Variants in KLRG2 observed in about 807,000 individuals in gnomAD.
KLRG2 encodes the protein killer cell lectin-like receptor subfamily G member 2.
KLRG2 carries 39 observed loss-of-function variants against 35.4 expected under a neutral mutation model. The ratio of observed to expected loss-of-function variants is 1.10; its 90% CI spans 0.85 to 1.44. KLRG2 has a LOEUF of 1.44. KLRG2 is among the 40% of genes most tolerant of loss of function. The probability of loss-of-function intolerance (pLI) is 0.00; values close to 1 mark genes in which losing one functional copy is unlikely to be tolerated. For missense variants in KLRG2, 632 were observed against 570.9 expected, an observed-to-expected ratio of 1.11 and a Z score of -1.09; for synonymous variants, 283 against 265.8, an observed-to-expected ratio of 1.06 and a Z score of -0.63.
intron 3 of KLRG2, among the ~76,000 whole-genome samples, chr7:139,469,750 G>GT (rs1796725833): frequency 6.6e-6 from 1 of 152,074 alleles, no homozygotes. Context: ...GGCTAATACA[G>GT]TAAGATTTGA....
At chr7:139,461,094 A>T (rs1796560348) in intron 3 of KLRG2, among the ~76,000 whole-genome samples, 1 of 152,158 alleles carries the variant, frequency 6.6e-6, no homozygotes, top group Admixed American at 6.5e-5. Flanking sequence ...ACTAAAAAAC[A>T]CAAAAATTAT....
chr7:139,479,796 GAGCTGCAGGGTA>G, intron 2 of KLRG2, 24 bp from the exon 3 acceptor site: 1 of 1,609,200 alleles, frequency 6.2e-7, no homozygotes, highest in Non-Finnish European at 8.5e-7. Context: ...GACTGCTGGT[GAGCTGCAGGGTA>G]AGCTGCATTA....
the KLRG2 span, among the ~76,000 whole-genome samples, chr7:139,429,052 T>TA: frequency 1.3e-5 from 2 of 152,160 alleles, no homozygotes; most frequent in Non-Finnish European, 2.9e-5. Context: ...CGTGGTGGCT[T>TA]ACGCCTGTAA....
At position 139,483,284 on chromosome 7, in the gene KLRG2, G is replaced by T. The variant is rs758520569; in HGVS notation, c.359C>A (p.Ala120Glu). Reference protein sequence around the residue: ...PGAEPAPSAWAPMELQVDVRV... With the variant: ...PGAEPAPSAWEPMELQVDVRV... ...CACATCTACCTGCAGCTCCATGGGC[G>T]CCCAGGCGCTGGGCGCAGGCTCAGC... is the stretch of plus-strand genomic sequence containing the variant. Residue 120 changes from alanine (A) to glutamate (E), a missense_variant, in exon 1 of 5, where the codon GCG becomes GAG. Ala to Glu is a moderately radical substitution (Grantham distance 107). Coordinates refer to ENST00000340940, the MANE Select transcript of KLRG2 (RefSeq NM_198508.4). The T allele has an allele frequency of 3.2e-6, 5 of 1,558,448 alleles. No homozygotes were observed. The highest frequency in any genetic ancestry group is 1.2e-5 in the South Asian group (1 of 86,118).
chr7:139,438,677 A>ATTTTTT, the KLRG2 span, among the ~76,000 whole-genome samples: 3,282 of 142,754 alleles, frequency 0.023, 68 homozygotes, highest in African/African-American at 0.048. Context: ...CATTTTGGCA[A>ATTTTTT]TTTTTTTTTT....
intron 3 of KLRG2, among the ~76,000 whole-genome samples, chr7:139,469,157 T>C (rs1033220948): frequency 1.9e-4 from 29 of 152,112 alleles, no homozygotes; most frequent in African/African-American, 6.3e-4. Context: ...TACCATAAGA[T>C]TTGTTTATTT....
intron 3 of KLRG2, among the ~76,000 whole-genome samples, chr7:139,457,417 A>G (rs953917951): frequency 6.6e-6 from 1 of 152,182 alleles, no homozygotes; most frequent in Admixed American, 6.5e-5. Context: ...TTCTGGCTCC[A>G]TGACTTGTGA....
In KLRG2 at chr7:139,470,942, A is replaced by C. The variant is rs540996685; in HGVS notation, c.1005+8685T>G. Among the ~76,000 whole-genome samples, 109 of 152,132 alleles carry C rather than the reference A, an allele frequency of 7.2e-4. 3 individuals are homozygous for C. The highest frequency in any genetic ancestry group is 7.1e-3 in the Admixed American group (109 of 15,288). On this transcript the variant is annotated intron_variant, in intron 3 of 4. Coordinates refer to ENST00000340940, the MANE Select transcript of KLRG2 (RefSeq NM_198508.4). ...ACTGGAACCCCTGTCTCCCAGGTTA[A>C]AGCGATTCTCCTGCCTCAGTCTCCT...
At chr7:139,437,318 G>T in the KLRG2 span, among the ~76,000 whole-genome samples, 2 of 151,634 alleles carry the variant, frequency 1.3e-5, no homozygotes, top group East Asian at 3.9e-4. Context: ...CCAGCTACTC[G>T]GGAGGCTGAG....
downstream of KLRG2, among the ~76,000 whole-genome samples, chr7:139,450,940 G>A (rs530766340): frequency 5.0e-4 from 76 of 152,244 alleles, no homozygotes; most frequent in African/African-American, 1.7e-3. Context: ...CTTTATTTGG[G>A]AATGCTCCTT....
the KLRG2 span, among the ~76,000 whole-genome samples, chr7:139,446,336 GT>G: frequency 0.064 from 5,861 of 91,932 alleles, 416 homozygotes; most frequent in African/African-American, 0.2. Context: ...ATTTTCCAGG[GT>G]TTTTTTTTTT....
intron 3 of KLRG2, among the ~76,000 whole-genome samples, chr7:139,464,933 T>C (rs145937561): frequency 0.032 from 4,849 of 152,376 alleles, 130 homozygotes; most frequent in Non-Finnish European, 0.051. Context: ...ACTCGCTCTT[T>C]GTTGAGTCTC....
the KLRG2 span, among the ~76,000 whole-genome samples, chr7:139,428,485 C>T: frequency 6.6e-6 from 1 of 152,210 alleles, no homozygotes; most frequent in African/African-American, 2.4e-5. Flanking sequence ...TCTCAAACCC[C>T]TGAGCTCAAG....
At chr7:139,460,288 A>G (rs1796546546) in intron 3 of KLRG2, among the ~76,000 whole-genome samples, 1 of 152,234 alleles carries the variant, frequency 6.6e-6, no homozygotes, top group Non-Finnish European at 1.5e-5. Flanking sequence ...GGTGGCTCCA[A>G]TGTCATCGTC....
At chr7:139,451,334 T>A (rs1184334216), downstream of KLRG2, among the ~76,000 whole-genome samples, 1 of 152,074 alleles carries the variant, frequency 6.6e-6, no homozygotes, top group African/African-American at 2.4e-5. Context: ...ACCCCATCTC[T>A]ACTAAAAATG....
chr7:139,475,196 C>T lies in KLRG2; in HGVS notation c.1005+4431G>A, dbSNP rs182153027. Among the ~76,000 whole-genome samples, 835 of 152,242 alleles carry T rather than the reference C, an allele frequency of 5.5e-3. 2 individuals are homozygous for T. Among genetic ancestry groups the T allele is most frequent in the Non-Finnish European group, 8.0e-3 (541 of 68,018 alleles). On this transcript the variant is annotated intron_variant, in intron 3 of 4. Transcript: ENST00000340940. ...CAACAGGACAGGGTTTGGGGGCTTC[C>T]GGATAGGCTGAACACATAGAGGCTA...
downstream of KLRG2, among the ~76,000 whole-genome samples, chr7:139,448,251 C>T (rs1796332034): frequency 6.6e-6 from 1 of 152,110 alleles, no homozygotes. Flanking sequence ...CTACCTCTGC[C>T]TCCTAAAGTC....
chr7:139,462,268 C>T (rs1034839705), intron 3 of KLRG2, among the ~76,000 whole-genome samples: 1 of 152,172 alleles, frequency 6.6e-6, no homozygotes, highest in Non-Finnish European at 1.5e-5. Flanking sequence ...CACAGGGACG[C>T]CTGCCTTGGT....
the KLRG2 span, among the ~76,000 whole-genome samples, chr7:139,434,575 A>C: frequency 6.6e-6 from 1 of 152,210 alleles, no homozygotes; most frequent in Non-Finnish European, 1.5e-5. Flanking sequence ...TCCAAATCAA[A>C]AGACTTGCAG....
Sources: allele counts gnomAD v4.1 joint callset (sites outside exome capture counted in the v4.1 genomes callset), GRCh38; gene constraint gnomAD v4.1.1; transcripts MANE v1.5; gene names NCBI Gene and HGNC (gene_info 2026-07-23, HGNC 2026-07-21).